Variants in GDA observed in about 807,000 individuals in gnomAD.
GDA encodes the protein guanine deaminase, also known as cytoplasmic PSD-95 interactor.
A neutral mutation model predicts 59.6 loss-of-function variants in GDA; 18 were observed. The observed-to-expected ratio is 0.30, with a 90% confidence interval of 0.21 to 0.45. The LOEUF is 0.45. Ranked by LOEUF, GDA falls within the 20% of genes least tolerant of loss-of-function variation. The pLI, the probability that GDA is intolerant of heterozygous loss-of-function variation, is 1.00. For synonymous variants in GDA, 201 were observed against 201.1 expected (o/e 1.00, Z 0.00); for missense variants, 427 against 552.3 (o/e 0.77, Z 2.27).
At chr9:72,179,348 T>C (rs1356764705) in intron 1 of GDA, among the ~76,000 whole-genome samples, 1 of 152,264 alleles carries the variant, frequency 6.6e-6, no homozygotes, top group Non-Finnish European at 1.5e-5. Context: ...GTGTTTGGCA[T>C]ATCTCTATTT....
chr9:72,166,974 T>G (rs1829393426), intron 1 of GDA, among the ~76,000 whole-genome samples: 1 of 152,236 alleles, frequency 6.6e-6, no homozygotes, highest in Non-Finnish European at 1.5e-5. Context: ...GAAACTAAAT[T>G]CTTGACAGGC....
At chr9:72,163,719 C>T (rs1426358011) in intron 1 of GDA, among the ~76,000 whole-genome samples, 1 of 152,216 alleles carries the variant, frequency 6.6e-6, no homozygotes, top group Non-Finnish European at 1.5e-5. Context: ...GTCTCCATCT[C>T]CTGACCTTGT....
intron 3 of GDA, among the ~76,000 whole-genome samples, chr9:72,203,599 C>G (rs1424480474): frequency 6.6e-6 from 1 of 152,196 alleles, no homozygotes; most frequent in African/African-American, 2.4e-5. Context: ...AGCTAAAGCG[C>G]AAATGCTGCC....
chr9:72,195,430 A>G, intron 1 of GDA, 70 bp from the exon 2 acceptor site: 1 of 548,836 alleles, frequency 1.8e-6, no homozygotes, highest in Middle Eastern at 3.6e-4. Flanking sequence ...ATATTTACAT[A>G]TTTAATAAAA....
rs185170108 is a variant in GDA at position 72,172,512 on chromosome 9, T to G, written c.123+22830T>G. ...CTTCGTGGTTCTTGGGCCTGCACAC[T>G]TTGGCTTTTCACAGGGAGCTGACTA... On this transcript the variant is annotated intron_variant, in intron 1 of 13. Transcript: ENST00000358399. Among the ~76,000 whole-genome samples the G allele has an allele frequency of 7.2e-5, 11 of 152,300 alleles. No individual in the cohort carries two copies. The East Asian group carries it at 2.1e-3, about 29-fold the overall frequency.
chr9:72,154,994 T>C (rs1198851837), intron 1 of GDA, among the ~76,000 whole-genome samples: 1 of 152,196 alleles, frequency 6.6e-6, no homozygotes, highest in East Asian at 1.9e-4. Context: ...GAATCTGCCA[T>C]GACCTATCAG....
intron 10 of GDA, among the ~76,000 whole-genome samples, chr9:72,234,811 A>G (rs1482218671): frequency 6.6e-6 from 1 of 152,248 alleles, no homozygotes; most frequent in Admixed American, 6.5e-5. Flanking sequence ...CAACAAAACA[A>G]TTAAAAACCA....
intron 1 of GDA, among the ~76,000 whole-genome samples, chr9:72,116,004 T>C (rs1825425214): frequency 6.6e-6 from 1 of 151,960 alleles, no homozygotes; most frequent in Admixed American, 6.6e-5. Flanking sequence ...GAGGCCGAGG[T>C]GAGCTGATCA....
chr9:72,244,582 G>A (rs779990467), intron 11 of GDA, among the ~76,000 whole-genome samples: 12 of 151,988 alleles, frequency 7.9e-5, no homozygotes, highest in Non-Finnish European at 1.8e-4. Flanking sequence ...GAGAAGTGAG[G>A]TTTTTTTTCC....
intron 13 of GDA, 21 bp downstream of exon 13, chr9:72,247,454 A>G (rs1057058211): frequency 2.4e-6 from 3 of 1,268,948 alleles, no homozygotes; most frequent in Non-Finnish European, 3.5e-6. Flanking sequence ...GCATGTCTCT[A>G]TGCTAAATAT....
intron 1 of GDA, among the ~76,000 whole-genome samples, chr9:72,155,619 A>T (rs1423817286): frequency 6.6e-6 from 1 of 152,164 alleles, no homozygotes; most frequent in Non-Finnish European, 1.5e-5. Flanking sequence ...GGGCTATGTT[A>T]TGGAGGGCAT....
intron 1 of GDA, among the ~76,000 whole-genome samples, chr9:72,190,118 TTTTG>T (rs1037028293): frequency 5.3e-5 from 8 of 152,102 alleles, no homozygotes; most frequent in Non-Finnish European, 7.4e-5. Context: ...TTTCTTGTTT[TTTTG>T]TTTGTTTGTT....
At chr9:72,125,469 G>A (rs538423656) in intron 1 of GDA, among the ~76,000 whole-genome samples, 7 of 151,706 alleles carry the variant, frequency 4.6e-5, no homozygotes, top group Non-Finnish European at 1.0e-4. Context: ...TGATCCTCCC[G>A]CCTCAGACTC....
At chr9:72,118,188 C>G (rs1265040987) in intron 1 of GDA, among the ~76,000 whole-genome samples, 1 of 137,868 alleles carries the variant, frequency 7.3e-6, no homozygotes, top group African/African-American at 2.7e-5. Flanking sequence ...AGGAGAATGG[C>G]GTGAACCCGG....
chr9:72,187,117 G>A (rs918302441), intron 1 of GDA, among the ~76,000 whole-genome samples: 3 of 152,174 alleles, frequency 2.0e-5, no homozygotes, highest in Non-Finnish European at 4.4e-5. Context: ...ATCTAAAAAG[G>A]AGTAAAGATG....
At chr9:72,225,950 G>T (rs1837505157) in intron 8 of GDA, among the ~76,000 whole-genome samples, 166 bp downstream of exon 8, 1 of 151,510 alleles carries the variant, frequency 6.6e-6, no homozygotes, top group Non-Finnish European at 1.5e-5. Context: ...TATCTATGGG[G>T]TACATGTGTA....
intron 9 of GDA, among the ~76,000 whole-genome samples, chr9:72,230,368 T>A (rs1464978349): frequency 6.6e-6 from 1 of 151,802 alleles, no homozygotes; most frequent in Non-Finnish European, 1.5e-5. Flanking sequence ...GCACCTGTAA[T>A]CCCAGCTACT....
chr9:72,125,200 C>T (rs1326267610), intron 1 of GDA, among the ~76,000 whole-genome samples: 1 of 152,136 alleles, frequency 6.6e-6, no homozygotes, highest in African/African-American at 2.4e-5. Context: ...TGCAGTCTTG[C>T]CTTTGAAGCA....
intron 5 of GDA, among the ~76,000 whole-genome samples, chr9:72,216,235 T>C (rs553150055): frequency 5.3e-5 from 8 of 152,148 alleles, no homozygotes; most frequent in South Asian, 2.1e-4. Flanking sequence ...AGCTAAAACA[T>C]TGCAGAACAT....
Sources: allele counts gnomAD v4.1 joint callset (sites outside exome capture counted in the v4.1 genomes callset), GRCh38; gene constraint gnomAD v4.1.1; transcripts MANE v1.5; gene names NCBI Gene and HGNC (gene_info 2026-07-23, HGNC 2026-07-21).